The following CFAP54 variants were observed in gnomAD, a reference collection of about 807,000 sequenced individuals.
CFAP54 encodes the protein cilia- and flagella-associated protein 54.
CFAP54 carries 290 observed loss-of-function variants against 370.4 expected under a neutral mutation model. That is an observed-to-expected ratio of 0.78 (90% CI 0.71 to 0.86). CFAP54 has a LOEUF of 0.86. CFAP54 is among the 40% of genes least tolerant of loss of function. The probability of loss-of-function intolerance (pLI) is 0.00; values close to 1 mark genes in which losing one functional copy is unlikely to be tolerated. For missense variants in CFAP54, 3,399 were observed against 3,528.7 expected (o/e 0.96, Z 0.93); for synonymous variants, 1,206 against 1,236.5 (o/e 0.98, Z 0.52).
intron 12 of CFAP54, among the ~76,000 whole-genome samples, chr12:96,537,486 C>T (rs1047497239): frequency 9.2e-5 from 14 of 152,074 alleles, no homozygotes; most frequent in African/African-American, 3.1e-4. Context: ...GGACTACAGG[C>T]ACACGACACC....
intron 51 of CFAP54, among the ~76,000 whole-genome samples, 169 bp from the exon 52 acceptor site, chr12:96,742,270 T>C (rs1384747446): frequency 6.6e-6 from 1 of 152,218 alleles, no homozygotes; most frequent in African/African-American, 2.4e-5. Context: ...TGATTTTGTT[T>C]TGAATATTTT....
intron 48 of CFAP54, among the ~76,000 whole-genome samples, chr12:96,714,053 T>C (rs139067938): frequency 2.9e-4 from 44 of 152,310 alleles, no homozygotes; most frequent in African/African-American, 1.0e-3. Flanking sequence ...CTAACTCTGG[T>C]TTCTGTATTG....
chr12:96,526,537 A>G (rs1307196774), intron 8 of CFAP54, among the ~76,000 whole-genome samples: 1 of 152,214 alleles, frequency 6.6e-6, no homozygotes, highest in African/African-American at 2.4e-5. Context: ...CCAGACACAC[A>G]AAATCTCTGG....
In CFAP54 at chr12:96,732,639, G is replaced by A. The variant is rs569991940; in HGVS notation, c.6966-7317G>A. Among the ~76,000 whole-genome samples, 14 of 152,224 alleles carry A rather than the reference G, an allele frequency of 9.2e-5. No individual in the cohort carries two copies. The South Asian group carries it at 1.2e-3, about 14-fold the overall frequency. On this transcript the variant is annotated intron_variant, in intron 50 of 67. Transcript: ENST00000524981. The stretch of plus-strand genomic sequence containing the variant: ...TGAATTTCTAATGTTGGCAAATGTC[G>A]ACGGAGCTCTTTTGGGTTCTCAATA...
intron 6 of CFAP54, among the ~76,000 whole-genome samples, chr12:96,520,052 G>A (rs1955286273): frequency 6.6e-6 from 1 of 152,076 alleles, no homozygotes; most frequent in Non-Finnish European, 1.5e-5. Context: ...TTTTAAGACA[G>A]AATCTTGCTC....
intron 8 of CFAP54, among the ~76,000 whole-genome samples, chr12:96,523,528 C>T (rs913119596): frequency 2.6e-5 from 4 of 152,188 alleles, no homozygotes; most frequent in Non-Finnish European, 5.9e-5. Context: ...CCCACAGGTA[C>T]ATTTTATACA....
intron 62 of CFAP54, 144 bp downstream of exon 62, chr12:96,787,042 A>G (rs1157990529): frequency 2.9e-5 from 19 of 661,284 alleles, no homozygotes; most frequent in Non-Finnish European, 4.6e-5. Flanking sequence ...CTGTGTTACC[A>G]TGTGGATAGG....
chr12:96,609,434 A>G (rs1956332161), intron 26 of CFAP54, among the ~76,000 whole-genome samples: 2 of 152,214 alleles, frequency 1.3e-5, no homozygotes, highest in Admixed American at 6.5e-5. Flanking sequence ...GAAAGAAGCT[A>G]TTGAATAATG....
intron 58 of CFAP54, among the ~76,000 whole-genome samples, chr12:96,761,106 T>A (rs1323929292): frequency 2.6e-5 from 4 of 152,230 alleles, no homozygotes. Context: ...GTTGCAATTT[T>A]TCCACATCCT....
intron 19 of CFAP54, among the ~76,000 whole-genome samples, chr12:96,571,996 A>C (rs1306967523): frequency 6.6e-6 from 1 of 152,180 alleles, no homozygotes; most frequent in Non-Finnish European, 1.5e-5. Context: ...ACCTATTTCA[A>C]ATTGGGCCAT....
chr12:96,753,855 A>G lies in CFAP54; in HGVS notation c.7797A>G (p.Ala2599=). 6.2e-7 allele frequency: 1 copy of G among 1,613,966 alleles called. No individual in the cohort carries two copies. The highest frequency in any genetic ancestry group is 1.1e-5 in the South Asian group (1 of 91,046). The change falls in exon 56 of 68, where the codon GCA becomes GCG. Residue 2599 remains alanine, a synonymous_variant. Coordinates refer to ENST00000524981, the MANE Select transcript of CFAP54 (RefSeq NM_001306084.2). ...CACTGAAGCTCTGTAGAACAACAGC[A>G]GTGGAGGAACATGAGGTGGAAGCTG... ...DVALKLCRTT[A]VEEHEVEAEI...
chr12:96,658,299 A>G lies in CFAP54; in HGVS notation c.5413A>G (p.Ile1805Val). 1 of 1,614,174 alleles carries G rather than the reference A, an allele frequency of 6.2e-7. No individual in the cohort carries two copies. Among genetic ancestry groups the G allele is most frequent in the Non-Finnish European group, 8.5e-7 (1 of 1,180,008 alleles). Residue 1805 changes from isoleucine to valine, a missense_variant, in exon 38 of 68, where the codon ATT becomes GTT. Physicochemically the swap from Ile to Val is conservative, Grantham distance 29. Transcript: ENST00000524981. ...LRIQKFKGPDITQQPCARYEA... is the reference protein window; with the variant it reads ...LRIQKFKGPDVTQQPCARYEA... ...AATACAGAAGTTCAAGGGCCCAGAT[A>G]TTACCCAACAACCTTGTGCAAGGTA...
At chr12:96,592,760 A>G (rs566214343) in intron 24 of CFAP54, 123 bp downstream of exon 24, 2 of 356,876 alleles carry the variant, frequency 5.6e-6, no homozygotes, top group South Asian at 9.4e-5. Context: ...AGGACATTGT[A>G]TGATTATGCG....
chr12:96,757,616 G>T, intron 58 of CFAP54, 28 bp downstream of exon 58: 2 of 1,363,870 alleles, frequency 1.5e-6, no homozygotes, highest in East Asian at 2.3e-5. Context: ...TAGAAATTAT[G>T]AGTTAATTGC....
At chr12:96,592,847 T>C (rs1470882250) in intron 24 of CFAP54, among the ~76,000 whole-genome samples, 4 of 152,100 alleles carry the variant, frequency 2.6e-5, no homozygotes, top group Non-Finnish European at 4.4e-5. Flanking sequence ...TTATCTCTTT[T>C]CCCCCTGTGT....
chr12:96,564,733 GC>G lies in CFAP54; in HGVS notation c.2588del (p.Ala863GlufsTer10). 1 of 626,970 alleles carries G rather than the reference GC, an allele frequency of 1.6e-6. No individual in the cohort carries two copies. The highest frequency in any genetic ancestry group is 1.9e-5 in the South Asian group (1 of 51,942). 38.8% of individuals were successfully genotyped at this position (626,970 alleles called of 1,614,324 possible). A position where few individuals can be genotyped will look rare whatever the true frequency, so the allele number is the denominator to read the frequency against. ...QKALLIFEKDATSTSSWELLM... is the reference protein window; with the variant it reads ...QKALLIFEKDXTSTSSWELLM... ...AGCTCTTTTAATATTCGAGAAAGAT[GC>G]AACTTCTACATCTTCATGGGAACTT... On this transcript the variant is annotated frameshift_variant, in exon 19 of 68. Coordinates refer to ENST00000524981, the MANE Select transcript of CFAP54 (RefSeq NM_001306084.2). LOFTEE classifies it high-confidence loss of function.
At chr12:96,845,207 T>C (rs1959304513) in intron 66 of CFAP54, among the ~76,000 whole-genome samples, 1 of 152,320 alleles carries the variant, frequency 6.6e-6, no homozygotes, top group South Asian at 2.1e-4. Flanking sequence ...AAAAGAAACA[T>C]CTGGAAATTT....
intron 66 of CFAP54, among the ~76,000 whole-genome samples, chr12:96,856,816 C>A (rs1348742145): frequency 1.3e-5 from 2 of 151,714 alleles, no homozygotes; most frequent in South Asian, 2.1e-4. Flanking sequence ...CTTCCAAAGT[C>A]ATTTCCACAT....
intron 32 of CFAP54, among the ~76,000 whole-genome samples, chr12:96,632,769 T>C: frequency 6.6e-6 from 1 of 152,054 alleles, no homozygotes; most frequent in East Asian, 1.9e-4. Context: ...AAAAACTCTA[T>C]TATGATTTTG....
Sources: gnomAD v4.1 joint callset for allele counts (sites outside exome capture counted in the v4.1 genomes callset) on GRCh38, gnomAD v4.1.1 for gene constraint, MANE v1.5 for transcripts, NCBI Gene and HGNC (gene_info 2026-07-23, HGNC 2026-07-21) for gene names.